Variants in ASB3 observed in about 807,000 individuals in gnomAD.
The protein encoded by ASB3 is ankyrin repeat and SOCS box protein 3.
ASB3 carries 41 observed loss-of-function variants against 54.5 expected under a neutral mutation model. The ratio of observed to expected loss-of-function variants is 0.75; its 90% CI spans 0.59 to 0.98. ASB3 has a LOEUF of 0.98. Among genes scored for constraint, ASB3 ranks in the 50% least tolerant of loss-of-function variants. The probability of loss-of-function intolerance (pLI) is 0.00; values close to 1 mark genes in which losing one functional copy is unlikely to be tolerated. For synonymous variants in ASB3, 266 were observed against 221.2 expected (o/e 1.20, Z -1.80); for missense variants, 733 against 620.0 (o/e 1.18, Z -1.94).
At chr2:53,717,676 G>A (rs766075) in intron 5 of ASB3, among the ~76,000 whole-genome samples, 30,586 of 151,858 alleles carry the variant, frequency 0.2, 3,382 homozygotes, top group East Asian at 0.44. Flanking sequence ...TCGTGTTCCC[G>A]CAATGGTTCC....
At chr2:53,716,185 C>G (rs933486004) in intron 6 of ASB3, among the ~76,000 whole-genome samples, 12 of 152,148 alleles carry the variant, frequency 7.9e-5, no homozygotes, top group African/African-American at 2.9e-4. Flanking sequence ...GCATCACAAA[C>G]TCAAAAGCTT....
chr2:53,671,260 T>A (rs1667796860), intron 9 of ASB3, among the ~76,000 whole-genome samples: 1 of 152,134 alleles, frequency 6.6e-6, no homozygotes, highest in South Asian at 2.1e-4. Flanking sequence ...ATTATCAGGC[T>A]GTTGTAGAAA....
chr2:53,685,429 C>T (rs573972346), intron 9 of ASB3, among the ~76,000 whole-genome samples: 12 of 152,126 alleles, frequency 7.9e-5, no homozygotes, highest in Non-Finnish European at 1.8e-4. Flanking sequence ...GCAGGATCAC[C>T]AAACTAAGGA....
At chr2:53,753,128 T>C (rs956908689) in intron 2 of ASB3, among the ~76,000 whole-genome samples, 1 of 151,864 alleles carries the variant, frequency 6.6e-6, no homozygotes, top group Admixed American at 6.6e-5. Flanking sequence ...TCTAATTGAA[T>C]TACAAATATA....
intron 9 of ASB3, among the ~76,000 whole-genome samples, chr2:53,688,087 G>C (rs1668726314): frequency 6.6e-6 from 1 of 152,178 alleles, no homozygotes; most frequent in African/African-American, 2.4e-5. Flanking sequence ...CTCAAAGTGG[G>C]ATTACAGGCG....
intron 7 of ASB3, among the ~76,000 whole-genome samples, chr2:53,706,072 G>C (rs761717711): frequency 5.1e-4 from 78 of 152,138 alleles, no homozygotes; most frequent in Admixed American, 1.0e-3. Context: ...TAGCTCATTT[G>C]ATCCTCAAAA....
chr2:53,777,138 G>C (rs890519215), intron 1 of ASB3, among the ~76,000 whole-genome samples: 2 of 152,050 alleles, frequency 1.3e-5, no homozygotes, highest in Non-Finnish European at 2.9e-5. Flanking sequence ...ACTGTAACTG[G>C]AAAAACCACC....
chr2:53,764,679 T>C (rs1673337019), intron 2 of ASB3, among the ~76,000 whole-genome samples: 1 of 152,224 alleles, frequency 6.6e-6, no homozygotes, highest in Non-Finnish European at 1.5e-5. Flanking sequence ...TTTATAGCAC[T>C]GGTTTGTAGC....
chr2:53,765,696 G>T (rs1673405850), intron 1 of ASB3, 111 bp from the exon 2 acceptor site: 2 of 1,264,620 alleles, frequency 1.6e-6, no homozygotes, highest in Non-Finnish European at 1.1e-6. Context: ...GACTGACGAA[G>T]AAGGGCCCAC....
At chr2:53,729,427 A>C (rs375527218) in intron 4 of ASB3, 31 bp downstream of exon 4, 2 of 1,607,496 alleles carry the variant, frequency 1.2e-6, no homozygotes, top group African/African-American at 2.7e-5. Flanking sequence ...CACAATTTAC[A>C]TGGAAATGAA....
chr2:53,701,005 T>C lies in ASB3; in HGVS notation c.981-477A>G, dbSNP rs565587028. ...TATTTATTTTTCTAGATACAGGGTC[T>C]TGCTCTGTGGCCCAGGCTGACGTGC... On this transcript the variant is annotated intron_variant, in intron 7 of 9. Transcript: ENST00000263634. Among the ~76,000 whole-genome samples, 3 of 152,340 alleles carry C rather than the reference T, an allele frequency of 2.0e-5. No individual in the cohort carries two copies. In the South Asian group the frequency reaches 6.2e-4, roughly 32 times the overall value.
intron 5 of ASB3, among the ~76,000 whole-genome samples, chr2:53,722,436 T>G (rs1411783521): frequency 6.6e-6 from 1 of 152,084 alleles, no homozygotes; most frequent in Non-Finnish European, 1.5e-5. Context: ...AACAAAATAT[T>G]AGCAAATTAA....
intron 3 of ASB3, among the ~76,000 whole-genome samples, chr2:53,734,149 C>A (rs1671483261): frequency 6.6e-6 from 1 of 152,228 alleles, no homozygotes; most frequent in Non-Finnish European, 1.5e-5. Flanking sequence ...AAACATGTCA[C>A]AGTGCTGCAG....
intron 3 of ASB3, among the ~76,000 whole-genome samples, chr2:53,730,352 T>A (rs1230995030): frequency 6.6e-6 from 1 of 152,300 alleles, no homozygotes; most frequent in East Asian, 1.9e-4. Context: ...TCTTTAAATT[T>A]TAAGTTCAGA....
At position 53,765,472 on chromosome 2, in the gene ASB3, C is replaced by T. The variant is rs780614482; in HGVS notation, c.101G>A (p.Arg34Gln). 2.0e-5 allele frequency: 33 copies of T among 1,614,102 alleles called. No homozygotes were observed. Among genetic ancestry groups the T allele is most frequent in the Admixed American group, 3.3e-5 (2 of 60,006 alleles). ...KVLRKLLKKG[R>Q]SVDVADNRGW... ...CCTGTTATCAGCAACATCGACACTT[C>T]GGCCCTTTTTGAGCAGTTTCCTTAA... The change falls in exon 2 of 10, where the codon CGA becomes CAA. Residue 34 changes from arginine (R) to glutamine (Q), a missense_variant. Arg to Gln is a conservative substitution (Grantham distance 43, BLOSUM62 1). Transcript: ENST00000263634.
At chr2:53,683,113 C>G (rs1668463164) in intron 9 of ASB3, among the ~76,000 whole-genome samples, 1 of 152,128 alleles carries the variant, frequency 6.6e-6, no homozygotes, top group African/African-American at 2.4e-5. Flanking sequence ...AGCTGTGGGT[C>G]TGTCATAAAC....
intron 8 of ASB3, among the ~76,000 whole-genome samples, chr2:53,699,932 AC>A (rs1195107511): frequency 6.6e-6 from 1 of 152,204 alleles, no homozygotes; most frequent in East Asian, 1.9e-4. Flanking sequence ...GGGATAGACA[AC>A]AGAAATCTCC....
Position 53,782,124 on chromosome 2 carries a change from C to T in ASB3, c.-14+4697G>A, listed in dbSNP as rs117824972. On this transcript the variant is annotated intron_variant, in intron 1 of 9. Transcript: ENST00000263634. Reference sequence around the variant, plus strand: ...CCCCAGAGGTTGGGATGGCAGTGAGCAGTGATCATGCAACTGCACTCTAGC... The same window carrying T: ...CCCCAGAGGTTGGGATGGCAGTGAGTAGTGATCATGCAACTGCACTCTAGC... Among the ~76,000 whole-genome samples, 43 of 152,234 alleles carry T rather than the reference C, an allele frequency of 2.8e-4. 2 individuals carry two copies. The East Asian group carries it at 7.9e-3, about 28-fold the overall frequency.
chr2:53,696,071 G>A (rs963282128), intron 8 of ASB3, among the ~76,000 whole-genome samples: 15 of 152,118 alleles, frequency 9.9e-5, no homozygotes, highest in African/African-American at 3.4e-4. Flanking sequence ...CATATGCAGT[G>A]TAAACATTGG....
Sources: allele counts gnomAD v4.1 joint callset (sites outside exome capture counted in the v4.1 genomes callset), GRCh38; gene constraint gnomAD v4.1.1; transcripts MANE v1.5; gene names NCBI Gene and HGNC (gene_info 2026-07-23, HGNC 2026-07-21).